The following CREBBP variants were observed in gnomAD, a reference collection of about 807,000 sequenced individuals.
CREBBP encodes the protein CREB-binding protein.
In CREBBP, 19 loss-of-function variants were observed where a neutral mutation model predicts 265.0. That is an observed-to-expected ratio of 0.07 (90% CI 0.05 to 0.11). The LOEUF (loss-of-function observed/expected upper bound fraction) is 0.11, where lower values mean the gene tolerates loss of function less well. Ranked by LOEUF, CREBBP falls within the 10% of genes least tolerant of loss-of-function variation. The probability of loss-of-function intolerance (pLI) is 1.00; values close to 1 mark genes in which losing one functional copy is unlikely to be tolerated. For missense variants in CREBBP, 2,525 were observed against 3,219.0 expected, an observed-to-expected ratio of 0.78 and a Z score of 5.22; for synonymous variants, 1,457 against 1,223.7, an observed-to-expected ratio of 1.19 and a Z score of -3.98.
chr16:3,733,136 G>A (rs1480749757), intron 28 of CREBBP, among the ~76,000 whole-genome samples: 2 of 152,040 alleles, frequency 1.3e-5, no homozygotes, highest in African/African-American at 2.4e-5. Flanking sequence ...GCCAAGGCAG[G>A]CGGATCTCGA....
At chr16:3,804,971 C>A (rs573543147) in intron 3 of CREBBP, among the ~76,000 whole-genome samples, 5 of 152,344 alleles carry the variant, frequency 3.3e-5, no homozygotes, top group African/African-American at 9.6e-5. Context: ...ATATGTGGGG[C>A]TACCCCTAAT....
intron 2 of CREBBP, among the ~76,000 whole-genome samples, chr16:3,819,025 C>T (rs1426182889): frequency 3.9e-5 from 6 of 152,248 alleles, no homozygotes; most frequent in African/African-American, 9.6e-5. Context: ...TCAAGTTCAC[C>T]GGCCTCACGC....
chr16:3,755,526 C>T (rs935335366), intron 19 of CREBBP, among the ~76,000 whole-genome samples: 1 of 152,082 alleles, frequency 6.6e-6, no homozygotes, highest in African/African-American at 2.4e-5. Flanking sequence ...TCATTGAGGA[C>T]CTGACAAAAT....
chr16:3,871,893 G>A (rs1161763715), intron 1 of CREBBP, among the ~76,000 whole-genome samples: 1 of 152,112 alleles, frequency 6.6e-6, no homozygotes, highest in African/African-American at 2.4e-5. Flanking sequence ...TATTAGAAAG[G>A]CAAATTAAGA....
chr16:3,775,326 A>T (rs975770112), intron 11 of CREBBP, among the ~76,000 whole-genome samples: 2 of 152,192 alleles, frequency 1.3e-5, no homozygotes, highest in African/African-American at 4.8e-5. Flanking sequence ...GGAACACCAC[A>T]TCACTGAAAG....
At chr16:3,753,120 C>T (rs955112089) in intron 19 of CREBBP, among the ~76,000 whole-genome samples, 6 of 152,142 alleles carry the variant, frequency 3.9e-5, no homozygotes, top group South Asian at 2.1e-4. Flanking sequence ...AAAAACAGTG[C>T]GACAGGACTC....
At chr16:3,810,505 C>G (rs867444675) in intron 3 of CREBBP, 98 bp downstream of exon 3, 1 of 1,422,246 alleles carries the variant, frequency 7.0e-7, no homozygotes, top group Non-Finnish European at 9.9e-7. Flanking sequence ...CCTACTGACA[C>G]ACTTTTAGTT....
chr16:3,840,308 C>G (rs2054541406), intron 2 of CREBBP, among the ~76,000 whole-genome samples: 1 of 152,184 alleles, frequency 6.6e-6, no homozygotes, highest in South Asian at 2.1e-4. Context: ...AATCCCAGCA[C>G]TTTGGGCAGC....
intron 1 of CREBBP, among the ~76,000 whole-genome samples, chr16:3,872,138 T>C (rs138454940): frequency 6.6e-5 from 10 of 152,266 alleles, no homozygotes; most frequent in South Asian, 2.1e-4. Flanking sequence ...AGCTCAAAAA[T>C]AGCCTTGCTT....
intron 2 of CREBBP, among the ~76,000 whole-genome samples, chr16:3,845,604 G>C (rs1028621298): frequency 6.6e-6 from 1 of 152,100 alleles, no homozygotes; most frequent in African/African-American, 2.4e-5. Flanking sequence ...GATTCAAGGA[G>C]GCCAGACACG....
At chr16:3,867,386 G>A (rs747076190) in intron 1 of CREBBP, among the ~76,000 whole-genome samples, 9 of 152,078 alleles carry the variant, frequency 5.9e-5, no homozygotes, top group Admixed American at 2.0e-4. Context: ...AAGCTACTGC[G>A]GAGGCTGAAG....
chr16:3,729,157 G>A lies in CREBBP; in HGVS notation c.5890C>T (p.Arg1964Cys), dbSNP rs1278592398. The A allele has an allele frequency of 2.0e-6, 3 of 1,504,006 alleles. No homozygotes were observed. The highest frequency in any genetic ancestry group is 1.8e-6 in the Non-Finnish European group (2 of 1,128,346). 93.2% of individuals were successfully genotyped at this position (1,504,006 alleles called of 1,614,324 possible). Reference sequence around the variant, plus strand: ...AGGTGCTGCTGCTGCTGGGCCTCACGCTCGATCTGCCGAGCCGCTTCCACC... The same window carrying A: ...AGGTGCTGCTGCTGCTGGGCCTCACACTCGATCTGCCGAGCCGCTTCCACC... ...AAVEAARQIE[R>C]EAQQQQHLYR... The change falls in exon 31 of 31, where the codon CGT (arginine) becomes TGT (cysteine). Residue 1964 changes from arginine (R) to cysteine (C), a missense_variant. By Grantham distance (180) the Arg-to-Cys change is radical. Around this residue, in one of 19 missense-constraint regions of CREBBP, gnomAD observed 275 missense variants for 276.5 expected, o/e 0.99. Transcript: ENST00000262367.
intron 11 of CREBBP, among the ~76,000 whole-genome samples, chr16:3,777,061 G>C (rs898865428): frequency 6.7e-6 from 1 of 148,890 alleles, no homozygotes; most frequent in African/African-American, 2.5e-5. Flanking sequence ...AAAAAGCTAA[G>C]GCCGGGTGCA....
In CREBBP at chr16:3,770,661, G is replaced by C. The variant is rs2141199829; in HGVS notation, c.2789C>G (p.Pro930Arg). 3 of 1,614,064 alleles carry C rather than the reference G, an allele frequency of 1.9e-6. No homozygotes were observed. Residue 930 changes from proline (P) to arginine (R), a missense_variant, in exon 14 of 31, where the codon CCT becomes CGT. Transcript: ENST00000262367. ...AAAQAQVTPQ[P>R]QTPVQPPSVA... The stretch of plus-strand genomic sequence containing the variant: ...AGACGGGGGCTGAACTGGGGTTTGA[G>C]GCTGCGGGGTCACCTGGGCCTGGGC...
chr16:3,731,734 C>T lies in CREBBP; in HGVS notation c.4890+42G>A, dbSNP rs201937625. 30 of 1,613,612 alleles carry T rather than the reference C, an allele frequency of 1.9e-5. No individual in the cohort carries two copies. The East Asian group carries it at 4.5e-4, about 24-fold the overall frequency. On this transcript the variant is annotated intron_variant, in intron 29 of 30. Coordinates refer to ENST00000262367, the MANE Select transcript of CREBBP (RefSeq NM_004380.3). This position sits in a 1 kb window ranked among gnomAD's most constrained non-coding sequence, Gnocchi z 7.7. Reference sequence around the variant, plus strand: ...CGCCAGCTGCGAGTCTTTCCCTCCTCCCGGCCAGAGGCACGGCTGCAGCAC... The same window carrying T: ...CGCCAGCTGCGAGTCTTTCCCTCCTTCCGGCCAGAGGCACGGCTGCAGCAC...
intron 2 of CREBBP, among the ~76,000 whole-genome samples, chr16:3,826,104 T>G (rs1241747918): frequency 6.6e-6 from 1 of 151,980 alleles, no homozygotes; most frequent in Non-Finnish European, 1.5e-5. Flanking sequence ...TCCCAGCTCC[T>G]CAGGAGGCTG....
intron 2 of CREBBP, among the ~76,000 whole-genome samples, chr16:3,814,365 G>A (rs144212929): frequency 2.0e-5 from 3 of 151,938 alleles, no homozygotes; most frequent in African/African-American, 4.8e-5. Context: ...AGCAATTCTC[G>A]TGTCTCAGCC....
chr16:3,866,312 G>A (rs2055177963), intron 1 of CREBBP, among the ~76,000 whole-genome samples: 4 of 152,138 alleles, frequency 2.6e-5, no homozygotes, highest in African/African-American at 7.2e-5. Flanking sequence ...GCAAATCAAT[G>A]AAGAAACCTC....
At chr16:3,825,081 T>A (rs1353058335) in intron 2 of CREBBP, among the ~76,000 whole-genome samples, 1 of 152,164 alleles carries the variant, frequency 6.6e-6, no homozygotes, top group Non-Finnish European at 1.5e-5. Context: ...TTCTATAAAA[T>A]GAACAGACTT....
Sources: allele counts gnomAD v4.1 joint callset (sites outside exome capture counted in the v4.1 genomes callset), GRCh38; gene constraint gnomAD v4.1.1; regional missense constraint gnomAD v4.1.1; non-coding constraint Gnocchi (gnomAD v3.1); transcripts MANE v1.5; gene names NCBI Gene and HGNC (gene_info 2026-07-23, HGNC 2026-07-21).